Variants in MPP2 observed in about 807,000 individuals in gnomAD.
MPP2 encodes MAGUK p55 scaffold protein 2, also known as MAGUK p55 subfamily member 2.
MPP2 carries 42 observed loss-of-function variants against 58.5 expected under a neutral mutation model. The ratio of observed to expected loss-of-function variants is 0.72; its 90% CI spans 0.56 to 0.93. The LOEUF (loss-of-function observed/expected upper bound fraction) is 0.93. Among genes scored for constraint, MPP2 ranks in the 40% least tolerant of loss-of-function variants. MPP2 has a pLI of 0.00. For synonymous variants in MPP2, 300 were observed against 307.8 expected (o/e 0.97, Z 0.26); for missense variants, 632 against 760.4 (o/e 0.83, Z 1.99).
chr17:43,892,556 G>A (rs1352336194), intron 3 of MPP2, among the ~76,000 whole-genome samples: 1 of 151,546 alleles, frequency 6.6e-6, no homozygotes, highest in Non-Finnish European at 1.5e-5. Flanking sequence ...TTTTTTTCCA[G>A]TGGGCTCAGG....
intron 2 of MPP2, among the ~76,000 whole-genome samples, chr17:43,902,564 C>A (rs948556351): frequency 2.0e-5 from 3 of 152,186 alleles, no homozygotes; most frequent in Non-Finnish European, 4.4e-5. Context: ...AAGCTGGGGA[C>A]ATTGGTGCCA....
chr17:43,896,223 C>T lies in MPP2; in HGVS notation c.150+2039G>A, dbSNP rs1179232974. Among the ~76,000 whole-genome samples, 30 of 152,212 alleles carry T rather than the reference C, an allele frequency of 2.0e-4. 1 individual carries two copies. The highest frequency in any genetic ancestry group is 1.9e-3 in the Admixed American group (29 of 15,284). ...ATGCACTGAAAACCCTGGGGACTGC[C>T]TCAGTCTTCTCCCCACCCTGACGCC... On this transcript the variant is annotated intron_variant, in intron 3 of 12. Transcript: ENST00000269095.
chr17:43,881,869 T>C (rs2047140776), intron 6 of MPP2, among the ~76,000 whole-genome samples: 1 of 151,808 alleles, frequency 6.6e-6, no homozygotes, highest in Non-Finnish European at 1.5e-5. Flanking sequence ...ACTCACCCTC[T>C]CCCCTTGGAG....
In MPP2 at chr17:43,882,306, T is replaced by C. The variant is rs1414530938; in HGVS notation, c.659A>G (p.Gln220Arg). Residue 220 changes from glutamine (Q) to arginine (R), a missense_variant, in exon 6 of 13, where the codon CAG becomes CGG. Coordinates refer to ENST00000269095, the MANE Select transcript of MPP2 (RefSeq NM_005374.5). ...CACCTGGCGGGGCAGATGGGGCTCC[T>C]GGTAGCTGGGCAGGATCTTGAGGAT... Reference protein sequence around the residue: ...SVILKILPSYQEPHLPRQVFV... With the variant: ...SVILKILPSYREPHLPRQVFV... The C allele has an allele frequency of 6.2e-7, 1 of 1,611,432 alleles. No individual in the cohort carries two copies. The highest frequency in any genetic ancestry group is 1.3e-5 in the African/African-American group (1 of 74,926).
chr17:43,879,285 T>G lies in MPP2; in HGVS notation c.1472A>C (p.Lys491Thr). 1 of 1,612,596 alleles carries G rather than the reference T, an allele frequency of 6.2e-7. No individual in the cohort carries two copies. Among genetic ancestry groups the G allele is most frequent in the East Asian group, 2.2e-5 (1 of 44,804 alleles). The change falls in exon 12 of 13, where the codon AAG becomes ACG. Residue 491 changes from lysine to threonine, a missense_variant. Physicochemically the swap from Lys to Thr is moderately conservative, Grantham distance 78. Transcript: ENST00000269095. This position sits in a 1 kb window ranked among gnomAD's most constrained non-coding sequence, Gnocchi z 4.1. ...CCTCAGAGCCCTCACCGTGAGCTGCTTGGTGGATATTCCACTCTCCAGCGC... is the reference window on the plus strand; with the variant it reads ...CCTCAGAGCCCTCACCGTGAGCTGCGTGGTGGATATTCCACTCTCCAGCGC... The part of the protein sequence containing the change: ...RAALESGIST[K>T]QLTEADLRRT...
chr17:43,903,537 A>G (rs2048178244), intron 2 of MPP2, among the ~76,000 whole-genome samples: 1 of 152,028 alleles, frequency 6.6e-6, no homozygotes, highest in Non-Finnish European at 1.5e-5. Flanking sequence ...AAATACAAAA[A>G]TTAGCTGGGC....
At chr17:43,878,208 C>G (rs1376992766) in intron 12 of MPP2, among the ~76,000 whole-genome samples, 1 of 152,196 alleles carries the variant, frequency 6.6e-6, no homozygotes, top group Non-Finnish European at 1.5e-5. Context: ...CTGCCAATCA[C>G]ACCCCTAAAT....
intron 3 of MPP2, among the ~76,000 whole-genome samples, chr17:43,890,811 C>T: frequency 1.7e-5 from 1 of 58,370 alleles, no homozygotes. Flanking sequence ...GATGAGAGAC[C>T]ACATGGAAAG....
At position 43,880,953 on chromosome 17, in the gene MPP2, G is replaced by A. The variant is rs2047085086; in HGVS notation, c.989-101C>T. The A allele has an allele frequency of 3.3e-6, 5 of 1,518,174 alleles. No individual in the cohort carries two copies. The South Asian group carries it at 3.7e-5, about 11-fold the overall frequency. 94.0% of individuals were successfully genotyped at this position (1,518,174 alleles called of 1,614,324 possible). A position where few individuals can be genotyped will look rare whatever the true frequency, so the allele number is the denominator to read the frequency against. ...CAAGAGGGCTTGGAACAGGGGAGCA[G>A]GGGGGAGTCGGGCAGGGCCTAGGGA... On this transcript the variant is annotated intron_variant, in intron 9 of 12. Transcript: ENST00000269095. The surrounding 1 kb of genome is among the most constrained non-coding windows in gnomAD (Gnocchi z 5.2).
At chr17:43,894,566 G>A (rs11868645) in intron 3 of MPP2, among the ~76,000 whole-genome samples, 25,204 of 135,724 alleles carry the variant, frequency 0.19, 3,138 homozygotes, top group Non-Finnish European at 0.28. Flanking sequence ...GCAGTGAGCC[G>A]AGATTGCGCC....
At position 43,887,436 on chromosome 17, in the gene MPP2, A is replaced by ATTT. The variant is rs533278154; in HGVS notation, c.151-4084_151-4082dup. ...ATTTAATAATCTTTCATGCATCTGA[A>ATTT]TTTTGAGGCATAGTTTTTTGTTTTT... is the stretch of plus-strand genomic sequence containing the variant. On this transcript the variant is annotated intron_variant, in intron 3 of 12. Transcript: ENST00000269095. Among the ~76,000 whole-genome samples the ATTT allele has an allele frequency of 3.4e-4, 51 of 152,066 alleles. 1 individual carries two copies. In the East Asian group the frequency reaches 9.1e-3, roughly 27 times the overall value.
chr17:43,879,691 TTCAGGTG>T lies in MPP2; in HGVS notation c.1353+84_1353+90del. 29 of 1,430,390 alleles carry T rather than the reference TTCAGGTG, an allele frequency of 2.0e-5. No homozygotes were observed. The highest frequency in any genetic ancestry group is 2.8e-5 in the Non-Finnish European group (29 of 1,040,770). 88.6% of individuals were successfully genotyped at this position (1,430,390 alleles called of 1,614,324 possible). The stretch of plus-strand genomic sequence containing the variant: ...AGGGCAAAGGGGGTACATGGGCGTG[TTCAGGTG>T]ACAGGTGTCTGGAACTATATGGGGG... On this transcript the variant is annotated intron_variant, in intron 11 of 12. Transcript: ENST00000269095. This position sits in a 1 kb window ranked among gnomAD's most constrained non-coding sequence, Gnocchi z 4.1.
chr17:43,909,354 C>A (rs978630327), upstream of MPP2, among the ~76,000 whole-genome samples: 16 of 152,190 alleles, frequency 1.1e-4, no homozygotes, highest in African/African-American at 3.9e-4. Context: ...GCATGAGCCA[C>A]TGCACCCGGC....
At chr17:43,898,148 G>A in intron 3 of MPP2, 114 bp downstream of exon 3, 1 of 810,784 alleles carries the variant, frequency 1.2e-6, no homozygotes, top group Non-Finnish European at 2.1e-6. Context: ...CCCTTCAGGG[G>A]GGCCTCTTGT....
intron 3 of MPP2, among the ~76,000 whole-genome samples, chr17:43,896,273 G>C (rs1371447985): frequency 6.6e-6 from 1 of 152,008 alleles, no homozygotes; most frequent in African/African-American, 2.4e-5. Flanking sequence ...ATGCCAATAG[G>C]TGTGTGGACA....
At chr17:43,881,612 G>T (rs762288931) in intron 6 of MPP2, 23 bp from the exon 7 acceptor site, 1 of 1,610,904 alleles carries the variant, frequency 6.2e-7, no homozygotes, top group Non-Finnish European at 8.5e-7. Flanking sequence ...ATCAGCAAAG[G>T]GTCGGGGGAA....
chr17:43,880,611 C>A lies in MPP2; in HGVS notation c.1150+80G>T. 1 of 1,472,434 alleles carries A rather than the reference C, an allele frequency of 6.8e-7. No homozygotes were observed. The highest frequency in any genetic ancestry group is 9.1e-7 in the Non-Finnish European group (1 of 1,100,280). The allele number at this position is 1,472,434 out of a possible 1,614,324, so 91.2% of individuals were successfully genotyped here. On this transcript the variant is annotated intron_variant, in intron 10 of 12. Coordinates refer to ENST00000269095, the MANE Select transcript of MPP2 (RefSeq NM_005374.5). This position sits in a 1 kb window ranked among gnomAD's most constrained non-coding sequence, Gnocchi z 5.2. ...ACCTGGCCTGGTGCCCATGAAGATGCCCATTCGGTGGGCCCAGCCCTGGCC... is the reference window on the plus strand; with the variant it reads ...ACCTGGCCTGGTGCCCATGAAGATGACCATTCGGTGGGCCCAGCCCTGGCC...
intron 12 of MPP2, 47 bp from the exon 13 acceptor site, chr17:43,878,030 AC>A (rs2046925169): frequency 1.3e-6 from 2 of 1,554,138 alleles, no homozygotes; most frequent in African/African-American, 1.4e-5. Context: ...CCCACAACTC[AC>A]CCCCACTGTC....
chr17:43,898,085 C>T, intron 3 of MPP2, 177 bp downstream of exon 3: 1 of 614,404 alleles, frequency 1.6e-6, no homozygotes. Flanking sequence ...GGGCAGCCCC[C>T]TCTACCTGCA....
Sources: allele counts gnomAD v4.1 joint callset (sites outside exome capture counted in the v4.1 genomes callset), GRCh38; gene constraint gnomAD v4.1.1; non-coding constraint Gnocchi (gnomAD v3.1); transcripts MANE v1.5; gene names NCBI Gene and HGNC (gene_info 2026-07-23, HGNC 2026-07-21).